The following B4GALNT3 variants were observed in gnomAD, a reference collection of about 807,000 sequenced individuals.
B4GALNT3 encodes beta-1,4-N-acetylgalactosaminyltransferase 3.
Under a neutral mutation model 120.2 loss-of-function variants are expected in B4GALNT3, and 86 were observed. The observed-to-expected ratio is 0.72, with a 90% CI of 0.60 to 0.86. The LOEUF (loss-of-function observed/expected upper bound fraction) is 0.86. B4GALNT3 is among the 40% of genes least tolerant of loss of function. The pLI, the probability that B4GALNT3 is intolerant of heterozygous loss-of-function variation, is 0.00. For synonymous variants in B4GALNT3, 518 were observed against 510.4 expected, an observed-to-expected ratio of 1.01 and a Z score of -0.20; for missense variants, 1,167 against 1,298.9, an observed-to-expected ratio of 0.90 and a Z score of 1.56.
In B4GALNT3 at chr12:558,593, A is replaced by C; in HGVS notation, c.2693A>C (p.Glu898Ala). The change falls in exon 18 of 20, where the codon GAG (glutamate) becomes GCG (alanine). Residue 898 changes from glutamate (E) to alanine (A), a missense_variant. By Grantham distance (107) the Glu-to-Ala change is moderately radical. Coordinates refer to ENST00000266383, the MANE Select transcript of B4GALNT3 (RefSeq NM_173593.4). ...VIDAIRKHCVEGKMAFAPMVM... is the reference protein window; with the variant it reads ...VIDAIRKHCVAGKMAFAPMVM... ...GATGCCATTCGGAAGCACTGTGTGG[A>C]GGGAAAGATGGCCTTTGCCCCCATG... is the stretch of plus-strand genomic sequence containing the variant. 1 of 1,614,134 alleles carries C rather than the reference A, an allele frequency of 6.2e-7. No homozygotes were observed. Among genetic ancestry groups the C allele is most frequent in the Non-Finnish European group, 8.5e-7 (1 of 1,180,006 alleles).
chr12:485,214 G>C (rs947723844), intron 1 of B4GALNT3, among the ~76,000 whole-genome samples: 1 of 152,166 alleles, frequency 6.6e-6, no homozygotes, highest in African/African-American at 2.4e-5. Flanking sequence ...GCCAGGGACA[G>C]GACAAGCCTG....
chr12:534,394 C>T (rs975067222), intron 1 of B4GALNT3, among the ~76,000 whole-genome samples: 1 of 152,156 alleles, frequency 6.6e-6, no homozygotes, highest in African/African-American at 2.4e-5. Flanking sequence ...GGCCGCCGGA[C>T]TGATTCTCCC....
rs544500279 is a variant in B4GALNT3, at chr12:553,335, G to A, written c.1412G>A (p.Arg471His). The A allele has an allele frequency of 1.8e-5, 29 of 1,613,716 alleles. No homozygotes were observed. Among genetic ancestry groups the A allele is most frequent in the East Asian group, 1.8e-4 (8 of 44,886 alleles). Residue 471 changes from arginine to histidine, a missense_variant, in exon 14 of 20, where the codon CGC becomes CAC. By Grantham distance (29) the Arg-to-His change is conservative (BLOSUM62 0). Transcript: ENST00000266383. ...CTGGAGCAAGATGCCACTGACTACC[G>A]CCTCCGAAGCCTGCGGAAACTCCTG... ...STLEQDATDY[R>H]LRSLRKLLAQ...
rs1201670176 is a variant in B4GALNT3, at chr12:548,009, CCT to C, written c.708-9_708-8del. The C allele has an allele frequency of 1.2e-6, 2 of 1,612,982 alleles. No homozygotes were observed. Among genetic ancestry groups the C allele is most frequent in the Middle Eastern group, 1.7e-4 (1 of 6,058 alleles). ...TGGAGATGGCGCTCTGCTTCCCTGC[CCT>C]CTCTCCCGCCAGCCTGTCAGCCTCC... On this transcript the variant is annotated splice_polypyrimidine_tract_variant and intron_variant, in intron 7 of 19. Transcript: ENST00000266383. This position sits in a 1 kb window ranked among gnomAD's most constrained non-coding sequence, Gnocchi z 4.9.
intron 1 of B4GALNT3, among the ~76,000 whole-genome samples, chr12:514,640 A>G (rs1369303901): frequency 6.6e-6 from 1 of 152,168 alleles, no homozygotes; most frequent in Non-Finnish European, 1.5e-5. Flanking sequence ...TTTATGTCTG[A>G]TCACTGGTTG....
chr12:552,961 CTT>C, intron 13 of B4GALNT3: 1 of 593,910 alleles, frequency 1.7e-6, no homozygotes, highest in Non-Finnish European at 2.9e-6. Context: ...CTCACTCAGT[CTT>C]CACAAACCCA....
chr12:481,892 T>G (rs961956858), intron 1 of B4GALNT3, among the ~76,000 whole-genome samples: 10 of 152,020 alleles, frequency 6.6e-5, no homozygotes, highest in African/African-American at 2.4e-4. Context: ...GTCCTCCATC[T>G]CCTCTTTCTA....
At chr12:485,775 A>G (rs1303767346) in intron 1 of B4GALNT3, among the ~76,000 whole-genome samples, 1 of 152,218 alleles carries the variant, frequency 6.6e-6, no homozygotes, top group Non-Finnish European at 1.5e-5. Flanking sequence ...CTGGTCTACC[A>G]TGTAAGGAGC....
chr12:526,435 G>A (rs1033418961), intron 1 of B4GALNT3, among the ~76,000 whole-genome samples: 1 of 152,176 alleles, frequency 6.6e-6, no homozygotes, highest in African/African-American at 2.4e-5. Context: ...CAAGCCTAGC[G>A]GGTTCAGAAA....
At position 553,962 on chromosome 12, in the gene B4GALNT3, A is replaced by C; in HGVS notation, c.2039A>C (p.Lys680Thr). ...ALEVTRVFLK[K>T]LNQRSRGRYQ... ...GAGGTCACGCGAGTCTTCTTGAAGA[A>C]GCTCAACCAGAGGAGCCGGGGGTAA... The change falls in exon 14 of 20, where the codon AAG (lysine) becomes ACG (threonine). Residue 680 changes from lysine (K) to threonine (T), a missense_variant. This residue lies in a region of B4GALNT3 where 983 missense variants were observed against 1,102.5 expected (regional missense o/e 0.89). Coordinates refer to ENST00000266383, the MANE Select transcript of B4GALNT3 (RefSeq NM_173593.4). 6.2e-7 allele frequency: 1 copy of C among 1,613,294 alleles called. No homozygotes were observed. The highest frequency in any genetic ancestry group is 8.5e-7 in the Non-Finnish European group (1 of 1,179,654).
intron 2 of B4GALNT3, among the ~76,000 whole-genome samples, chr12:535,940 G>A (rs1029032285): frequency 6.6e-6 from 1 of 152,174 alleles, no homozygotes; most frequent in Non-Finnish European, 1.5e-5. Context: ...GGATAAGGAG[G>A]AAGAGGGAGC....
At chr12:534,396 G>A (rs7300427) in intron 1 of B4GALNT3, among the ~76,000 whole-genome samples, 2 of 152,082 alleles carry the variant, frequency 1.3e-5, no homozygotes, top group African/African-American at 4.8e-5. Context: ...CCGCCGGACT[G>A]ATTCTCCCCG....
chr12:535,299 C>A, intron 2 of B4GALNT3, 30 bp downstream of exon 2: 1 of 1,593,130 alleles, frequency 6.3e-7, no homozygotes, highest in Non-Finnish European at 8.6e-7. Context: ...ATTGTCCCTG[C>A]TGATGCCTTA....
chr12:467,984 A>G (rs994684373), intron 1 of B4GALNT3, among the ~76,000 whole-genome samples: 1 of 152,142 alleles, frequency 6.6e-6, no homozygotes, highest in South Asian at 2.1e-4. Context: ...TCACCTGGAG[A>G]AAAGTGTAAA....
chr12:531,886 A>G (rs544601895), intron 1 of B4GALNT3, among the ~76,000 whole-genome samples: 1 of 152,210 alleles, frequency 6.6e-6, no homozygotes, highest in African/African-American at 2.4e-5. Flanking sequence ...AGATGAAGAA[A>G]CCAGGGCCAA....
At chr12:473,720 C>T (rs1034236947) in intron 1 of B4GALNT3, among the ~76,000 whole-genome samples, 4 of 152,126 alleles carry the variant, frequency 2.6e-5, no homozygotes, top group Non-Finnish European at 5.9e-5. Flanking sequence ...TTACTGAGCA[C>T]TTGTTATATG....
intron 1 of B4GALNT3, among the ~76,000 whole-genome samples, chr12:497,257 G>T (rs533745685): frequency 6.6e-6 from 1 of 152,160 alleles, no homozygotes; most frequent in Non-Finnish European, 1.5e-5. Context: ...GGGTTCAAGC[G>T]ATTCTCCTGC....
At chr12:476,757 T>A (rs1304966937) in intron 1 of B4GALNT3, among the ~76,000 whole-genome samples, 2 of 152,234 alleles carry the variant, frequency 1.3e-5, no homozygotes, top group Non-Finnish European at 2.9e-5. Flanking sequence ...TTGATTGGTT[T>A]TAGCATGCTG....
chr12:561,055 T>C (rs1947225200), intron 19 of B4GALNT3, among the ~76,000 whole-genome samples: 1 of 152,246 alleles, frequency 6.6e-6, no homozygotes. Context: ...ATGTCTACTC[T>C]AATATTAGAT....
Sources: allele counts gnomAD v4.1 joint callset (sites outside exome capture counted in the v4.1 genomes callset), GRCh38; gene constraint gnomAD v4.1.1; regional missense constraint gnomAD v4.1.1; non-coding constraint Gnocchi (gnomAD v3.1); transcripts MANE v1.5; gene names NCBI Gene and HGNC (gene_info 2026-07-23, HGNC 2026-07-21).